Variants in CACNA1B observed in about 807,000 individuals in gnomAD.
CACNA1B encodes the protein voltage-dependent N-type calcium channel subunit alpha-1B.
Under a neutral mutation model 247.2 loss-of-function variants are expected in CACNA1B, and 70 were observed. The observed-to-expected ratio is 0.28, with a 90% CI of 0.23 to 0.35. The LOEUF (loss-of-function observed/expected upper bound fraction) is 0.35. Ranked by LOEUF, CACNA1B falls within the 10% of genes least tolerant of loss-of-function variation. The pLI is 1.00. For synonymous variants in CACNA1B, 1,231 were observed against 1,294.4 expected (o/e 0.95, Z 1.05); for missense variants, 2,367 against 3,197.4 (o/e 0.74, Z 6.26).
chr9:138,109,346 T>C (rs955555242), intron 39 of CACNA1B, among the ~76,000 whole-genome samples: 3 of 152,152 alleles, frequency 2.0e-5, no homozygotes, highest in African/African-American at 7.2e-5. Flanking sequence ...CCCAAGAAAA[T>C]ATCACAGCTT....
At chr9:138,041,094 T>C (rs1959115056) in intron 20 of CACNA1B, among the ~76,000 whole-genome samples, 2 of 152,222 alleles carry the variant, frequency 1.3e-5, no homozygotes, top group Non-Finnish European at 2.9e-5. Flanking sequence ...GGGGACTCTG[T>C]AGGCCAACTG....
Position 138,123,472 on chromosome 9 carries a change from G to T in CACNA1B, c.*1473G>T, listed in dbSNP as rs1216275371. ...GGAGCATTTAGAGCAGTTGATGGTG[G>T]TGTGTCCTCCGTGTTCTGAAATTCC... On this transcript the variant is annotated 3_prime_UTR_variant, in exon 47 of 47. Coordinates refer to ENST00000371372, the MANE Select transcript of CACNA1B (RefSeq NM_000718.4). 3 of 152,410 alleles carry T rather than the reference G, an allele frequency of 2.0e-5. No homozygotes were observed. The highest frequency in any genetic ancestry group is 4.4e-5 in the Non-Finnish European group (3 of 68,182). 9.4% of individuals were successfully genotyped at this position (152,410 alleles called of 1,614,324 possible).
chr9:137,940,053 A>G (rs1185445496), intron 6 of CACNA1B, among the ~76,000 whole-genome samples: 1 of 152,044 alleles, frequency 6.6e-6, no homozygotes, highest in African/African-American at 2.4e-5. Context: ...AACCCAGCAG[A>G]AGAAAGAGAT....
At chr9:137,956,913 C>A in intron 9 of CACNA1B, 86 bp downstream of exon 9, 1 of 1,118,562 alleles carries the variant, frequency 8.9e-7, no homozygotes, top group Non-Finnish European at 1.4e-6. Flanking sequence ...GCATGTTTCA[C>A]GCGAAGTGCT....
intron 20 of CACNA1B, chr9:138,040,437 C>A (rs1437629438): frequency 6.4e-6 from 1 of 156,636 alleles, no homozygotes; most frequent in Non-Finnish European, 1.4e-5. Flanking sequence ...AGAGACAGAA[C>A]TAATAGGATA....
At chr9:137,993,933 A>T (rs1389237955) in intron 15 of CACNA1B, among the ~76,000 whole-genome samples, 2 of 152,230 alleles carry the variant, frequency 1.3e-5, no homozygotes, top group Non-Finnish European at 2.9e-5. Flanking sequence ...ATGAACATAG[A>T]TGCAGAAATC....
At position 138,102,654 on chromosome 9, in the gene CACNA1B, C is replaced by A; in HGVS notation, c.5223-57C>A. On this transcript the variant is annotated intron_variant, in intron 37 of 46. Coordinates refer to ENST00000371372, the MANE Select transcript of CACNA1B (RefSeq NM_000718.4). The surrounding 1 kb of genome is among the most constrained non-coding windows in gnomAD (Gnocchi z 5.4). ...TCCCCTCCCCGCTCCCCTCCTGCTGCCGCTCCTCCTGTGGACCACCCCACT... is the reference window on the plus strand; with the variant it reads ...TCCCCTCCCCGCTCCCCTCCTGCTGACGCTCCTCCTGTGGACCACCCCACT... 1.1e-6 allele frequency: 1 copy of A among 949,828 alleles called. No individual in the cohort carries two copies. The allele number at this position is 949,828 out of a possible 1,614,324, so 58.8% of individuals were successfully genotyped here.
rs1236440772 is a variant in CACNA1B, at chr9:138,010,316, T to C, written c.2160+239T>C. On this transcript the variant is annotated intron_variant, in intron 17 of 46. Transcript: ENST00000371372. This position sits in a 1 kb window ranked among gnomAD's most constrained non-coding sequence, Gnocchi z 5.3. ...TCAGGGAAGCCAGCACAGGGAAGAA[T>C]GGCCTGAACGGCAGGGTGTGCTGGG... Among the ~76,000 whole-genome samples, 1 of 152,110 alleles carries C rather than the reference T, an allele frequency of 6.6e-6. No homozygotes were observed. Among genetic ancestry groups the C allele is most frequent in the Admixed American group, 6.5e-5 (1 of 15,280 alleles).
At chr9:137,983,277 C>T (rs942091929) in intron 12 of CACNA1B, among the ~76,000 whole-genome samples, 9 of 152,164 alleles carry the variant, frequency 5.9e-5, no homozygotes, top group African/African-American at 1.4e-4. Context: ...AAGACATGGG[C>T]GCTCCTGCTG....
intron 16 of CACNA1B, 75 bp from the exon 17 acceptor site, chr9:138,009,935 G>C (rs1362773908): frequency 1.3e-5 from 15 of 1,191,836 alleles, no homozygotes; most frequent in Non-Finnish European, 1.7e-5. Flanking sequence ...TTGGGATCTG[G>C]GGAGATGGGG....
chr9:138,050,862 T>C lies in CACNA1B; in HGVS notation c.3711-1230T>C, dbSNP rs992653475. Among the ~76,000 whole-genome samples, 1 of 152,022 alleles carries C rather than the reference T, an allele frequency of 6.6e-6. No individual in the cohort carries two copies. The highest frequency in any genetic ancestry group is 2.4e-5 in the African/African-American group (1 of 41,388). ...CACCTGGAAGCGTTTCAGGGGGAGT[T>C]TGATCTGATTCTGGAGTGTAGCCTA... On this transcript the variant is annotated intron_variant, in intron 24 of 46. Transcript: ENST00000371372. The surrounding 1 kb of genome is among the most constrained non-coding windows in gnomAD (Gnocchi z 5.2).
At chr9:137,900,579 T>C (rs979426767) in intron 3 of CACNA1B, among the ~76,000 whole-genome samples, 1 of 150,964 alleles carries the variant, frequency 6.6e-6, no homozygotes, top group Non-Finnish European at 1.5e-5. Flanking sequence ...TGTGTCTCTG[T>C]GTCCGTGTGT....
At position 138,046,970 on chromosome 9, in the gene CACNA1B, C is replaced by T. The variant is rs74580250; in HGVS notation, c.3480C>T (p.Ile1160=). Residue 1160 remains isoleucine, a synonymous_variant, in exon 22 of 47, where the codon ATC becomes ATT. Coordinates refer to ENST00000371372, the MANE Select transcript of CACNA1B (RefSeq NM_000718.4). ...RYFEVVILVV[I]ALSSIALAAE... ...TCGAGGTGGTCATTCTCGTGGTCATCGCCTTGAGCAGCATCGCCCTGGCTG... is the reference window on the plus strand; with the variant it reads ...TCGAGGTGGTCATTCTCGTGGTCATTGCCTTGAGCAGCATCGCCCTGGCTG... The T allele has an allele frequency of 3.1e-5, 50 of 1,613,410 alleles. 1 individual carries two copies. In the Admixed American group the frequency reaches 5.7e-4, roughly 18 times the overall value.
intron 40 of CACNA1B, among the ~76,000 whole-genome samples, chr9:138,113,261 A>C (rs1360070214): frequency 4.3e-5 from 6 of 140,358 alleles, no homozygotes; most frequent in Non-Finnish European, 7.6e-5. Flanking sequence ...GAGGTGCCCA[A>C]CTCCATCTTA....
intron 6 of CACNA1B, among the ~76,000 whole-genome samples, chr9:137,931,541 A>T (rs767347526): frequency 2.0e-5 from 3 of 151,828 alleles, no homozygotes; most frequent in Admixed American, 6.6e-5. Context: ...TTGCCTCCAG[A>T]CCCTATTCTC....
Position 138,052,245 on chromosome 9 carries a change from T to C in CACNA1B, c.3807+57T>C, listed in dbSNP as rs1437137755. The C allele has an allele frequency of 2.3e-6, 2 of 860,168 alleles. No homozygotes were observed. Among genetic ancestry groups the C allele is most frequent in the Non-Finnish European group, 1.9e-6 (1 of 531,756 alleles). 53.3% of individuals were successfully genotyped at this position (860,168 alleles called of 1,614,324 possible). A position where few individuals can be genotyped will look rare whatever the true frequency, so the allele number is the denominator to read the frequency against. ...TGCTGTGTGTGTGTGCGTGTGTGTG[T>C]GTGCGTGTGTGTGTGTGTATGCATG... On this transcript the variant is annotated intron_variant, in intron 25 of 46. Transcript: ENST00000371372. This position sits in a 1 kb window ranked among gnomAD's most constrained non-coding sequence, Gnocchi z 5.1.
Position 138,120,669 on chromosome 9 carries a change from G to A in CACNA1B, c.6277G>A (p.Glu2093Lys), listed in dbSNP as rs551417591. The change falls in exon 46 of 47, where the codon GAG becomes AAG. Residue 2093 changes from glutamate to lysine, a missense_variant. Around this residue, in one of 12 missense-constraint regions of CACNA1B, gnomAD observed 773 missense variants for 779.4 expected, o/e 0.99. Transcript: ENST00000371372. The stretch of plus-strand genomic sequence containing the variant: ...TGTGGGGCCGGGGCTGCCCCCGGGA[G>A]AGGGGCCTACAGGCTGCCGGCGGGA... ...SAVGPGLPPG[E>K]GPTGCRRERE... The A allele has an allele frequency of 5.3e-6, 8 of 1,511,486 alleles. No individual in the cohort carries two copies. The African/African-American group carries it at 8.5e-5, about 16-fold the overall frequency. The allele number at this position is 1,511,486 out of a possible 1,614,324, so 93.6% of individuals were successfully genotyped here. A position where few individuals can be genotyped will look rare whatever the true frequency, so the allele number is the denominator to read the frequency against.
At position 138,019,824 on chromosome 9, in the gene CACNA1B, C is replaced by T. The variant is rs147668849; in HGVS notation, c.2268-3187C>T. Reference sequence around the variant, plus strand: ...ATGTAAGATGCAGATGGTGGCCGGGCGCGCTGGCTCACACCTGTAATCTAG... The same window carrying T: ...ATGTAAGATGCAGATGGTGGCCGGGTGCGCTGGCTCACACCTGTAATCTAG... On this transcript the variant is annotated intron_variant, in intron 18 of 46. Coordinates refer to ENST00000371372, the MANE Select transcript of CACNA1B (RefSeq NM_000718.4). Among the ~76,000 whole-genome samples the T allele has an allele frequency of 2.8e-3, 433 of 152,188 alleles. 6 individuals are homozygous for T. In the East Asian group the frequency reaches 0.043, roughly 15 times the overall value.
In CACNA1B at chr9:137,955,674, G is replaced by A. The variant is rs765280729; in HGVS notation, c.1071-24G>A. ...GTGGGGCTTGCACTCACCTGATCTTGCTTTTCCGGCCCCTGCATGGTAGGG... is the reference window on the plus strand; with the variant it reads ...GTGGGGCTTGCACTCACCTGATCTTACTTTTCCGGCCCCTGCATGGTAGGG... On this transcript the variant is annotated intron_variant, in intron 7 of 46. Transcript: ENST00000371372. The surrounding 1 kb of genome is among the most constrained non-coding windows in gnomAD (Gnocchi z 6.9). The A allele has an allele frequency of 1.1e-5, 17 of 1,536,512 alleles. 1 individual carries two copies. In the South Asian group the frequency reaches 1.9e-4, roughly 18 times the overall value.
Sources: gnomAD v4.1 joint callset for allele counts (sites outside exome capture counted in the v4.1 genomes callset) on GRCh38, gnomAD v4.1.1 for gene constraint, gnomAD v4.1.1 regional missense constraint, Gnocchi (gnomAD v3.1) non-coding constraint, MANE v1.5 for transcripts, NCBI Gene and HGNC (gene_info 2026-07-23, HGNC 2026-07-21) for gene names.